Variants in THRB observed in about 807,000 individuals in gnomAD.
THRB encodes the protein thyroid hormone receptor beta.
In THRB, 12 loss-of-function variants were observed where a neutral mutation model predicts 47.8. The ratio of observed to expected loss-of-function variants is 0.25; its 90% CI spans 0.16 to 0.41. The LOEUF (loss-of-function observed/expected upper bound fraction) is 0.41, where lower values mean the gene tolerates loss of function less well. Among genes scored for constraint, THRB ranks in the 10% least tolerant of loss-of-function variants. THRB has a pLI of 1.00. For missense variants in THRB, 348 were observed against 589.2 expected, an observed-to-expected ratio of 0.59 and a Z score of 4.24; for synonymous variants, 218 against 212.2, an observed-to-expected ratio of 1.03 and a Z score of -0.24.
chr3:24,491,151 G>A (rs1440751635), intron 1 of THRB, among the ~76,000 whole-genome samples: 2 of 152,072 alleles, frequency 1.3e-5, no homozygotes, highest in Non-Finnish European at 2.9e-5. Flanking sequence ...GAAGCTCAGA[G>A]CCAAATTAAA....
chr3:24,451,276 C>T (rs1029755922), intron 1 of THRB, among the ~76,000 whole-genome samples: 8 of 149,332 alleles, frequency 5.4e-5, no homozygotes, highest in African/African-American at 2.0e-4. Context: ...CTGTGTCACC[C>T]AGGCTGGAGT....
At position 24,152,490 on chromosome 3, in the gene THRB, C is replaced by G; in HGVS notation, c.284G>C (p.Gly95Ala). ...TFQTEEKKCK[G>A]YIPSYLDKDE... ...CTTGTCTAAGTAACTGGGGATGTAC[C>G]CTGTGAAGGAAATAAAAGAAGGAAT... is the stretch of plus-strand genomic sequence containing the variant. The change falls in exon 6 of 11, where the codon GGG becomes GCG. Residue 95 changes from glycine (G) to alanine (A), a missense_variant and splice_region_variant. By Grantham distance (60) the Gly-to-Ala change is moderately conservative. Coordinates refer to ENST00000646209, the MANE Select transcript of THRB (RefSeq NM_001354712.2). The G allele has an allele frequency of 6.7e-7, 1 of 1,495,410 alleles. No homozygotes were observed. The highest frequency in any genetic ancestry group is 1.1e-5 in the South Asian group (1 of 88,676). The allele number at this position is 1,495,410 out of a possible 1,614,324, so 92.6% of individuals were successfully genotyped here.
intron 1 of THRB, among the ~76,000 whole-genome samples, chr3:24,421,106 T>A (rs375085109): frequency 8.6e-5 from 13 of 151,690 alleles, no homozygotes; most frequent in East Asian, 3.9e-4. Context: ...GAATGGAAAA[T>A]CAAATACTTG....
In THRB at chr3:24,121,731, G is replaced by C. The variant is rs886058289; in HGVS notation, c.*1153C>G. ...GCTATTTAGTTCCTCAGAGTCAGAG[G>C]GAAAAAGGGGACTAGGAGACATTTG... On this transcript the variant is annotated 3_prime_UTR_variant, in exon 11 of 11. Coordinates refer to ENST00000646209, the MANE Select transcript of THRB (RefSeq NM_001354712.2). 8 of 152,192 alleles carry C rather than the reference G, an allele frequency of 5.3e-5. No individual in the cohort carries two copies. Among genetic ancestry groups the C allele is most frequent in the Non-Finnish European group, 8.8e-5 (6 of 68,084 alleles). 9.4% of individuals were successfully genotyped at this position (152,192 alleles called of 1,614,324 possible).
intron 3 of THRB, among the ~76,000 whole-genome samples, chr3:24,294,539 T>C (rs1013418158): frequency 2.6e-5 from 4 of 152,184 alleles, no homozygotes; most frequent in Non-Finnish European, 5.9e-5. Flanking sequence ...TTTTCCTTCC[T>C]GTAATGAAGA....
intron 3 of THRB, among the ~76,000 whole-genome samples, chr3:24,290,181 A>G (rs2055775970): frequency 6.6e-6 from 1 of 152,212 alleles, no homozygotes; most frequent in African/African-American, 2.4e-5. Context: ...TAGCAGAAAG[A>G]AAAATATTTG....
chr3:24,403,464 C>A (rs760071003), intron 1 of THRB, among the ~76,000 whole-genome samples: 2 of 151,868 alleles, frequency 1.3e-5, no homozygotes, highest in African/African-American at 4.8e-5. Flanking sequence ...GACTCCAAGC[C>A]TCTTGTAGGA....
intron 1 of THRB, among the ~76,000 whole-genome samples, chr3:24,404,472 C>A (rs1280993483): frequency 6.6e-6 from 1 of 151,748 alleles, no homozygotes; most frequent in African/African-American, 2.4e-5. Context: ...TCACATACTT[C>A]AACAAAAAAG....
chr3:24,298,976 G>T (rs1045278709), intron 2 of THRB, among the ~76,000 whole-genome samples: 1 of 151,882 alleles, frequency 6.6e-6, no homozygotes, highest in Admixed American at 6.6e-5. Context: ...GGCCGGGCGC[G>T]GTGGCTCATG....
At chr3:24,154,806 CAATT>C (rs1553621183) in intron 5 of THRB, among the ~76,000 whole-genome samples, 2 of 152,114 alleles carry the variant, frequency 1.3e-5, no homozygotes, top group Non-Finnish European at 2.9e-5. Context: ...AGGTTATACA[CAATT>C]AATCCAACAG....
chr3:24,261,936 T>C (rs2052085725), intron 3 of THRB, among the ~76,000 whole-genome samples: 1 of 152,192 alleles, frequency 6.6e-6, no homozygotes, highest in Non-Finnish European at 1.5e-5. Context: ...GGGATACCTT[T>C]TATTCTTCAG....
chr3:24,259,155 T>A (rs1162451103), intron 3 of THRB, among the ~76,000 whole-genome samples: 3 of 152,124 alleles, frequency 2.0e-5, no homozygotes, highest in Non-Finnish European at 4.4e-5. Flanking sequence ...TCGACAGAAT[T>A]TATTTTCAGG....
Position 24,251,786 on chromosome 3 carries a change from A to T in THRB, c.-42-22785T>A, listed in dbSNP as rs1390505245. The stretch of plus-strand genomic sequence containing the variant: ...ATTTAAACTGTTTGAAAGCACAGGG[A>T]AAAAATAAACTTCCTCAATTACTTT... On this transcript the variant is annotated intron_variant, in intron 3 of 10. Transcript: ENST00000646209. Among the ~76,000 whole-genome samples, 8 of 152,188 alleles carry T rather than the reference A, an allele frequency of 5.3e-5. No individual in the cohort carries two copies. In the East Asian group the frequency reaches 1.5e-3, roughly 29 times the overall value.
At chr3:24,469,972 GGTTA>G (rs1190180964) in intron 1 of THRB, among the ~76,000 whole-genome samples, 1 of 152,160 alleles carries the variant, frequency 6.6e-6, no homozygotes, top group East Asian at 1.9e-4. Context: ...AAAGTCAGAA[GGTTA>G]GTTAGTCCAG....
At chr3:24,233,659 T>C (rs1238759779) in intron 3 of THRB, among the ~76,000 whole-genome samples, 1 of 150,244 alleles carries the variant, frequency 6.7e-6, no homozygotes, top group Non-Finnish European at 1.5e-5. Flanking sequence ...TGTGGGCTGC[T>C]ACATTTTAAG....
rs116567996 is a variant in THRB, at chr3:24,455,741, G to A, written c.-261+38911C>T. 6.1e-3 allele frequency among the ~76,000 whole-genome samples: 932 copies of A among 152,172 alleles called. 11 individuals carry two copies. Among genetic ancestry groups the A allele is most frequent in the African/African-American group, 0.021 (882 of 41,504 alleles). ...ATTCAGTGGGGTCTTTTATTAATAG[G>A]CAGAGAAAAGAGAACTGTATTATAA... On this transcript the variant is annotated intron_variant, in intron 1 of 10. Transcript: ENST00000646209.
intron 1 of THRB, among the ~76,000 whole-genome samples, chr3:24,430,524 A>G (rs1019268455): frequency 6.6e-6 from 1 of 152,110 alleles, no homozygotes; most frequent in African/African-American, 2.4e-5. Flanking sequence ...TAAAGAATAT[A>G]AATTTATTAC....
chr3:24,350,536 C>T lies in THRB; in HGVS notation c.-260-13165G>A, dbSNP rs80154088. ...AGAGTCTTCCAAACATAATATTGAG[C>T]AAAATATGCCAGACACAAGAAAGTA... On this transcript the variant is annotated intron_variant, in intron 1 of 10. Coordinates refer to ENST00000646209, the MANE Select transcript of THRB (RefSeq NM_001354712.2). 9.7e-3 allele frequency among the ~76,000 whole-genome samples: 1,473 copies of T among 152,182 alleles called. 23 individuals are homozygous for T. The highest frequency in any genetic ancestry group is 0.034 in the African/African-American group (1,416 of 41,544).
At chr3:24,316,465 C>T (rs1446478991) in intron 2 of THRB, among the ~76,000 whole-genome samples, 4 of 151,152 alleles carry the variant, frequency 2.6e-5, no homozygotes, top group African/African-American at 9.7e-5. Flanking sequence ...CTTTTTTCTT[C>T]CTTCTCGCCC....
Sources: allele counts gnomAD v4.1 joint callset (sites outside exome capture counted in the v4.1 genomes callset), GRCh38; gene constraint gnomAD v4.1.1; transcripts MANE v1.5; gene names NCBI Gene and HGNC (gene_info 2026-07-23, HGNC 2026-07-21).